ANO10: variants seen among roughly 807,000 people sequenced by gnomAD.
ANO10 encodes anoctamin-10.
ANO10 carries 77 observed loss-of-function variants against 74.7 expected under a neutral mutation model. That is an observed-to-expected ratio of 1.03 (90% CI 0.86 to 1.25). ANO10 has a LOEUF of 1.25. Ranked by LOEUF, ANO10 falls within the 50% of genes most tolerant of loss-of-function variation. ANO10 has a pLI of 0.00. For synonymous variants in ANO10, 279 were observed against 284.9 expected, an observed-to-expected ratio of 0.98 and a Z score of 0.21; for missense variants, 721 against 778.1, an observed-to-expected ratio of 0.93 and a Z score of 0.87.
intron 12 of ANO10, among the ~76,000 whole-genome samples, chr3:43,417,354 G>A (rs575979582): frequency 6.6e-6 from 1 of 152,258 alleles, no homozygotes; most frequent in South Asian, 2.1e-4. Flanking sequence ...ATAACATTAG[G>A]GTGGGGCGAC....
chr3:43,474,341 G>A (rs1346249740), intron 11 of ANO10, among the ~76,000 whole-genome samples: 1 of 151,650 alleles, frequency 6.6e-6, no homozygotes, highest in African/African-American at 2.4e-5. Flanking sequence ...TTTCCAAGTC[G>A]ATAAAACATT....
At chr3:43,543,906 A>T (rs17408925) in intron 11 of ANO10, among the ~76,000 whole-genome samples, 59,623 of 151,974 alleles carry the variant, frequency 0.39, 12,309 homozygotes, top group African/African-American at 0.47. Flanking sequence ...AAAGAACCAA[A>T]TTTAGTAGGT....
rs749523236 is a variant in ANO10, at chr3:43,487,934, G to A, written c.1798-55207C>T. On this transcript the variant is annotated intron_variant, in intron 11 of 12. Transcript: ENST00000292246. Reference sequence around the variant, plus strand: ...CTTCAAACTATACTACAAGGCTACAGTAACCAAAACAGCATGGTACTGGTA... The same window carrying A: ...CTTCAAACTATACTACAAGGCTACAATAACCAAAACAGCATGGTACTGGTA... Among the ~76,000 whole-genome samples, 720 of 151,918 alleles carry A rather than the reference G, an allele frequency of 4.7e-3. 3 individuals are homozygous for A. The highest frequency in any genetic ancestry group is 7.9e-3 in the Non-Finnish European group (536 of 67,940).
At chr3:43,659,275 A>C (rs2149572148) in intron 1 of ANO10, among the ~76,000 whole-genome samples, 1 of 152,220 alleles carries the variant, frequency 6.6e-6, no homozygotes, top group Admixed American at 6.5e-5. Flanking sequence ...GAGAAGTGCA[A>C]GGGGTCGGGG....
intron 6 of ANO10, 94 bp from the exon 7 acceptor site, chr3:43,574,958 G>T: frequency 2.1e-6 from 2 of 970,396 alleles, no homozygotes; most frequent in Non-Finnish European, 3.3e-6. Context: ...GGGCGGAGAT[G>T]TCCAACATCA....
intron 11 of ANO10, among the ~76,000 whole-genome samples, chr3:43,465,621 C>T (rs1219885030): frequency 1.3e-5 from 2 of 152,018 alleles, no homozygotes; most frequent in Non-Finnish European, 2.9e-5. Context: ...CCACTGCACT[C>T]CAGCCTGGAC....
At chr3:43,551,257 T>C (rs900250172) in intron 10 of ANO10, among the ~76,000 whole-genome samples, 5 of 152,182 alleles carry the variant, frequency 3.3e-5, no homozygotes, top group African/African-American at 1.2e-4. Context: ...ATTTGTAATT[T>C]TGATAGATAA....
At chr3:43,690,762 C>T in intron 1 of ANO10, 1 of 432,500 alleles carries the variant, frequency 2.3e-6, no homozygotes. Flanking sequence ...CGCTTACACC[C>T]GGGAGCGTCG....
At chr3:43,544,250 C>A (rs1171503497) in intron 11 of ANO10, among the ~76,000 whole-genome samples, 2 of 151,978 alleles carry the variant, frequency 1.3e-5, no homozygotes, top group Non-Finnish European at 2.9e-5. Flanking sequence ...TTATTTTTAA[C>A]CCACAAAAAA....
chr3:43,441,798 T>C (rs1473023266), intron 11 of ANO10, among the ~76,000 whole-genome samples: 2 of 151,934 alleles, frequency 1.3e-5, no homozygotes, highest in Non-Finnish European at 2.9e-5. Flanking sequence ...ATTAAAAAAA[T>C]TACGCAGCAT....
chr3:43,374,119 A>C (rs921468614), intron 12 of ANO10, among the ~76,000 whole-genome samples: 1 of 152,170 alleles, frequency 6.6e-6, no homozygotes. Flanking sequence ...GCTCAGGTCC[A>C]TGGGTCTGGG....
chr3:43,557,971 G>A (rs1332116693), intron 9 of ANO10, among the ~76,000 whole-genome samples: 1 of 151,534 alleles, frequency 6.6e-6, no homozygotes, highest in Non-Finnish European at 1.5e-5. Flanking sequence ...CAGGCATGAT[G>A]GTACATGCCT....
At chr3:43,623,548 A>G (rs2083462423), upstream of ANO10, among the ~76,000 whole-genome samples, 1 of 152,226 alleles carries the variant, frequency 6.6e-6, no homozygotes, top group African/African-American at 2.4e-5. Context: ...GAAAAATTTA[A>G]AAAATGAATG....
At chr3:43,412,529 T>C (rs1400104098) in intron 12 of ANO10, among the ~76,000 whole-genome samples, 1 of 152,174 alleles carries the variant, frequency 6.6e-6, no homozygotes, top group Non-Finnish European at 1.5e-5. Context: ...CTGTTCCCAT[T>C]CCAGAGTGCG....
intron 11 of ANO10, among the ~76,000 whole-genome samples, chr3:43,540,746 G>A (rs1373048947): frequency 6.6e-6 from 1 of 152,222 alleles, no homozygotes; most frequent in Non-Finnish European, 1.5e-5. Flanking sequence ...ACTGTTAGGA[G>A]GGAATGGAGA....
intron 11 of ANO10, among the ~76,000 whole-genome samples, chr3:43,453,658 A>G (rs1434751165): frequency 2.0e-5 from 3 of 152,180 alleles, no homozygotes; most frequent in African/African-American, 7.2e-5. Flanking sequence ...GTAGGGATCC[A>G]ATTTCATTTG....
At chr3:43,504,300 G>GTAGATAGACAGATAGA (rs753469115) in intron 11 of ANO10, among the ~76,000 whole-genome samples, 255 of 139,820 alleles carry the variant, frequency 1.8e-3, no homozygotes, top group African/African-American at 6.1e-3. Flanking sequence ...AGGTAGGTAG[G>GTAGATAGACAGATAGA]TAGATAGATA....
At chr3:43,617,560 A>G (rs2083180283) in intron 1 of ANO10, among the ~76,000 whole-genome samples, 1 of 152,202 alleles carries the variant, frequency 6.6e-6, no homozygotes. Context: ...ACTGGCCCAC[A>G]AGAGGTAAAG....
At chr3:43,375,506 T>A (rs919649237) in intron 12 of ANO10, among the ~76,000 whole-genome samples, 5 of 152,154 alleles carry the variant, frequency 3.3e-5, no homozygotes, top group African/African-American at 1.2e-4. Flanking sequence ...TTTTTTTTTT[T>A]AAAGAAAGGC....
Sources: allele counts gnomAD v4.1 joint callset (sites outside exome capture counted in the v4.1 genomes callset), GRCh38; gene constraint gnomAD v4.1.1; transcripts MANE v1.5; gene names NCBI Gene and HGNC (gene_info 2026-07-23, HGNC 2026-07-21).